DPP10: variants seen among roughly 807,000 people sequenced by gnomAD.
DPP10 encodes the protein dipeptidyl peptidase like 10.
Under a neutral mutation model 120.9 loss-of-function variants are expected in DPP10, and 33 were observed. That is an observed-to-expected ratio of 0.27 (90% CI 0.21 to 0.37). The LOEUF is 0.37. Ranked by LOEUF, DPP10 falls within the 10% of genes least tolerant of loss-of-function variation. DPP10 has a pLI of 1.00. For missense variants in DPP10, 816 were observed against 942.8 expected, an observed-to-expected ratio of 0.87 and a Z score of 1.76; for synonymous variants, 337 against 326.1, an observed-to-expected ratio of 1.03 and a Z score of -0.36.
intron 21 of DPP10, among the ~76,000 whole-genome samples, chr2:115,822,574 C>A (rs1687917185): frequency 6.6e-6 from 1 of 151,878 alleles, no homozygotes; most frequent in African/African-American, 2.4e-5. Context: ...AATATTGAAG[C>A]TTTCATATTT....
At chr2:114,888,572 C>T (rs893475661) in intron 1 of DPP10, among the ~76,000 whole-genome samples, 3 of 152,134 alleles carry the variant, frequency 2.0e-5, no homozygotes, top group African/African-American at 7.2e-5. Context: ...TTGTGATTAG[C>T]TTGTAGATAG....
At chr2:115,368,006 G>A (rs2065180155) in intron 3 of DPP10, among the ~76,000 whole-genome samples, 1 of 152,060 alleles carries the variant, frequency 6.6e-6, no homozygotes, top group Non-Finnish European at 1.5e-5. Context: ...CTTAATCTAA[G>A]GGAAATTAGA....
intron 1 of DPP10, among the ~76,000 whole-genome samples, chr2:115,019,007 C>T (rs1702874638): frequency 6.6e-6 from 1 of 151,896 alleles, no homozygotes; most frequent in South Asian, 2.1e-4. Context: ...GACCCAGTCA[C>T]CATCACCGCA....
intron 1 of DPP10, among the ~76,000 whole-genome samples, chr2:115,038,783 C>A (rs1319289048): frequency 6.6e-6 from 1 of 152,050 alleles, no homozygotes; most frequent in Admixed American, 6.6e-5. Context: ...AGCTGAAGCC[C>A]AGAGAGGTAG....
At chr2:115,032,861 G>C (rs1703938744) in intron 1 of DPP10, among the ~76,000 whole-genome samples, 1 of 150,570 alleles carries the variant, frequency 6.6e-6, no homozygotes, top group Admixed American at 6.6e-5. Context: ...CTCCAGCCTG[G>C]GAGACAGAGC....
At position 115,167,948 on chromosome 2, in the gene DPP10, A is replaced by G. The variant is rs892811141; in HGVS notation, c.61-141291A>G. 9.9e-5 allele frequency among the ~76,000 whole-genome samples: 15 copies of G among 152,210 alleles called. 1 individual carries two copies. The highest frequency in any genetic ancestry group is 5.2e-4 in the Admixed American group (8 of 15,284). On this transcript the variant is annotated intron_variant, in intron 1 of 25. Coordinates refer to ENST00000410059, the MANE Select transcript of DPP10 (RefSeq NM_020868.6). ...CTGAATATGTTGCATATTGTTTTCA[A>G]TGCAATGTACTTCCCAAGGTAATCA...
At chr2:114,996,128 G>C (rs1305149452) in intron 1 of DPP10, among the ~76,000 whole-genome samples, 1 of 152,170 alleles carries the variant, frequency 6.6e-6, no homozygotes, top group Non-Finnish European at 1.5e-5. Flanking sequence ...TAAACATCAA[G>C]CTTACGGATG....
intron 5 of DPP10, among the ~76,000 whole-genome samples, chr2:115,546,163 T>A (rs1362917070): frequency 6.6e-6 from 1 of 152,128 alleles, no homozygotes; most frequent in Non-Finnish European, 1.5e-5. Context: ...TTCCATTCTC[T>A]CCCTTTCCAA....
intron 1 of DPP10, among the ~76,000 whole-genome samples, chr2:115,156,835 T>G (rs1402388629): frequency 1.3e-5 from 2 of 152,204 alleles, no homozygotes; most frequent in Non-Finnish European, 2.9e-5. Context: ...CATAGCAACC[T>G]CTGTCATTTG....
chr2:115,536,416 A>G (rs988218934), intron 5 of DPP10, among the ~76,000 whole-genome samples: 1 of 152,008 alleles, frequency 6.6e-6, no homozygotes, highest in Admixed American at 6.6e-5. Context: ...ATATTTATAG[A>G]TAGTTGACAG....
intron 1 of DPP10, among the ~76,000 whole-genome samples, chr2:114,650,658 G>A (rs1229031026): frequency 6.6e-6 from 1 of 151,012 alleles, no homozygotes; most frequent in East Asian, 1.9e-4. Context: ...TAATAGATGG[G>A]AGAATTCTAT....
chr2:115,249,672 C>G (rs930705869), intron 1 of DPP10, among the ~76,000 whole-genome samples: 3 of 152,018 alleles, frequency 2.0e-5, no homozygotes, highest in Non-Finnish European at 4.4e-5. Flanking sequence ...TACTTTTTTT[C>G]CCCTTTCAAC....
chr2:115,791,511 C>T (rs1683984587), intron 19 of DPP10, among the ~76,000 whole-genome samples, 155 bp downstream of exon 19: 1 of 152,174 alleles, frequency 6.6e-6, no homozygotes, highest in African/African-American at 2.4e-5. Flanking sequence ...AGAAGTCCAT[C>T]ACTAAATCAT....
intron 5 of DPP10, among the ~76,000 whole-genome samples, chr2:115,672,686 C>CTTTCTTTCTTTCTTTG (rs2089986976): frequency 2.9e-5 from 4 of 140,274 alleles, no homozygotes; most frequent in African/African-American, 8.1e-5. Context: ...CTTTCTCTTT[C>CTTTCTTTCTTTCTTTG]TTTCTTTCTT....
chr2:114,874,304 A>G (rs1036602144), intron 1 of DPP10, among the ~76,000 whole-genome samples: 2 of 152,164 alleles, frequency 1.3e-5, no homozygotes, highest in African/African-American at 4.8e-5. Flanking sequence ...GAGATCACAA[A>G]TGATGGTGGC....
rs1310418677 is a variant in DPP10 at position 114,898,323 on chromosome 2, G to T, written c.61-410916G>T. Among the ~76,000 whole-genome samples, 4 of 138,678 alleles carry T rather than the reference G, an allele frequency of 2.9e-5. No homozygotes were observed. In the East Asian group the frequency reaches 7.4e-4, roughly 26 times the overall value. 91.0% of individuals were successfully genotyped at this position (138,678 alleles called of 152,430 possible). ...TGAGAACACATGGACACAGGAAGGG[G>T]AATATCACACTCTGGGGACTGTTGT... On this transcript the variant is annotated intron_variant, in intron 1 of 25. Coordinates refer to ENST00000410059, the MANE Select transcript of DPP10 (RefSeq NM_020868.6).
chr2:114,712,616 T>C lies in DPP10; in HGVS notation c.60+269778T>C, dbSNP rs184946637. 2.1e-3 allele frequency among the ~76,000 whole-genome samples: 313 copies of C among 152,250 alleles called. 2 individuals are homozygous for C. Among genetic ancestry groups the C allele is most frequent in the African/African-American group, 7.1e-3 (296 of 41,572 alleles). ...TCTTCTTTCAAAAAGAAAGCATTAG[T>C]AGGCAAAATTGTAAAATGTATCCAT... is the stretch of plus-strand genomic sequence containing the variant. On this transcript the variant is annotated intron_variant, in intron 1 of 25. Transcript: ENST00000410059.
At chr2:115,701,184 A>T (rs1314411330) in intron 7 of DPP10, among the ~76,000 whole-genome samples, 1 of 152,092 alleles carries the variant, frequency 6.6e-6, no homozygotes, top group East Asian at 1.9e-4. Context: ...CTGATTCAAA[A>T]CTTACTACAA....
chr2:115,731,796 C>G (rs1215948038), intron 8 of DPP10, among the ~76,000 whole-genome samples: 1 of 152,172 alleles, frequency 6.6e-6, no homozygotes, highest in East Asian at 1.9e-4. Context: ...TGGACTTACT[C>G]TAATCCTCAC....
Sources: gnomAD v4.1 joint callset for allele counts (sites outside exome capture counted in the v4.1 genomes callset) on GRCh38, gnomAD v4.1.1 for gene constraint, MANE v1.5 for transcripts, NCBI Gene and HGNC (gene_info 2026-07-23, HGNC 2026-07-21) for gene names.